SGMS1: variants seen among roughly 807,000 people sequenced by gnomAD.
SGMS1 encodes phosphatidylcholine:ceramide cholinephosphotransferase 1.
A neutral mutation model predicts 46.2 loss-of-function variants in SGMS1; 13 were observed. The observed-to-expected ratio is 0.28, with a 90% CI of 0.18 to 0.45. The LOEUF (loss-of-function observed/expected upper bound fraction) is 0.45. Among genes scored for constraint, SGMS1 ranks in the 20% least tolerant of loss-of-function variants. The pLI is 1.00. For synonymous variants in SGMS1, 203 were observed against 187.8 expected, an observed-to-expected ratio of 1.08 and a Z score of -0.66; for missense variants, 324 against 519.9, an observed-to-expected ratio of 0.62 and a Z score of 3.66.
At chr10:50,600,727 T>C (rs1443460190) in intron 1 of SGMS1, among the ~76,000 whole-genome samples, 1 of 152,214 alleles carries the variant, frequency 6.6e-6, no homozygotes, top group Non-Finnish European at 1.5e-5. Flanking sequence ...TCCACTAACC[T>C]TTTTGAGAGT....
At chr10:50,550,924 A>G (rs1249104806) in intron 2 of SGMS1, among the ~76,000 whole-genome samples, 2 of 152,228 alleles carry the variant, frequency 1.3e-5, no homozygotes, top group Non-Finnish European at 2.9e-5. Context: ...TTAAATATCC[A>G]TGAATCCATA....
At chr10:50,595,484 T>C (rs1414385308) in intron 1 of SGMS1, among the ~76,000 whole-genome samples, 1 of 152,180 alleles carries the variant, frequency 6.6e-6, no homozygotes, top group Non-Finnish European at 1.5e-5. Context: ...GCCTACTGTG[T>C]TATTTCTAAT....
intron 2 of SGMS1, among the ~76,000 whole-genome samples, chr10:50,536,559 A>G (rs1838004059): frequency 6.6e-6 from 1 of 152,214 alleles, no homozygotes; most frequent in African/African-American, 2.4e-5. Context: ...TGCTCACAGA[A>G]AACATTTTAT....
At chr10:50,615,682 C>G (rs1838790048) in intron 1 of SGMS1, among the ~76,000 whole-genome samples, 1 of 152,204 alleles carries the variant, frequency 6.6e-6, no homozygotes, top group Non-Finnish European at 1.5e-5. Context: ...ACAATATCCA[C>G]TGTCATGGGA....
intron 1 of SGMS1, among the ~76,000 whole-genome samples, chr10:50,615,153 A>G (rs1293137008): frequency 2.0e-5 from 3 of 152,178 alleles, no homozygotes; most frequent in Admixed American, 1.3e-4. Context: ...GTCTTTCAGT[A>G]TTTACTTGTT....
At chr10:50,392,433 A>G (rs912601376) in intron 6 of SGMS1, among the ~76,000 whole-genome samples, 2 of 152,210 alleles carry the variant, frequency 1.3e-5, no homozygotes, top group African/African-American at 4.8e-5. Flanking sequence ...AACATAGTAT[A>G]CAAGTGCACA....
intron 7 of SGMS1, 195 bp downstream of exon 7, chr10:50,343,297 A>G (rs747756995): frequency 2.7e-5 from 15 of 549,468 alleles, no homozygotes; most frequent in Non-Finnish European, 4.0e-5. Context: ...TCTTGCATAA[A>G]ACAGGCAACA....
In SGMS1 at chr10:50,344,065, A is replaced by G. The variant is rs769952537; in HGVS notation, c.50T>C (p.Leu17Pro). ...WSPKKVADWL[L>P]ENAMPEYCEP... ...ACAGTATTCTGGCATAGCATTCTCC[A>G]GCAGCCAGTCTGCCACCTTCTTGGG... Residue 17 changes from leucine to proline, a missense_variant, in exon 7 of 11, where the codon CTG becomes CCG. Leu to Pro is a moderately conservative substitution (Grantham distance 98). Around this residue, in one of 2 missense-constraint regions of SGMS1, gnomAD observed 150 missense variants for 169.8 expected, o/e 0.88. Transcript: ENST00000361781. The G allele has an allele frequency of 2.5e-6, 4 of 1,614,032 alleles. No individual in the cohort carries two copies. Among genetic ancestry groups the G allele is most frequent in the Non-Finnish European group, 3.4e-6 (4 of 1,179,980 alleles).
At chr10:50,482,223 A>G (rs1837483335) in intron 3 of SGMS1, among the ~76,000 whole-genome samples, 1 of 152,168 alleles carries the variant, frequency 6.6e-6, no homozygotes, top group Admixed American at 6.5e-5. Context: ...TAATCATCAG[A>G]TTCTCCAAGG....
chr10:50,464,276 G>A (rs1272580032), intron 4 of SGMS1, among the ~76,000 whole-genome samples: 1 of 152,202 alleles, frequency 6.6e-6, no homozygotes, highest in Non-Finnish European at 1.5e-5. Flanking sequence ...GACAGAAAAG[G>A]AAGTCAGAGT....
At chr10:50,605,874 C>G (rs1838689950) in intron 1 of SGMS1, among the ~76,000 whole-genome samples, 1 of 152,152 alleles carries the variant, frequency 6.6e-6, no homozygotes, top group Non-Finnish European at 1.5e-5. Flanking sequence ...ACTCATTAAC[C>G]AATTTCTCCT....
At chr10:50,618,689 A>G (rs1489213855) in intron 1 of SGMS1, among the ~76,000 whole-genome samples, 2 of 152,192 alleles carry the variant, frequency 1.3e-5, no homozygotes, top group African/African-American at 4.8e-5. Context: ...GTGGAACAGA[A>G]AGCAGCTGAG....
intron 6 of SGMS1, among the ~76,000 whole-genome samples, chr10:50,392,176 C>G (rs1848779590): frequency 8.3e-6 from 1 of 121,168 alleles, no homozygotes; most frequent in Non-Finnish European, 1.8e-5. Context: ...GTACTCTGAA[C>G]CTAAAGTAAA....
At chr10:50,555,796 C>T (rs1340645304) in intron 2 of SGMS1, among the ~76,000 whole-genome samples, 3 of 152,190 alleles carry the variant, frequency 2.0e-5, no homozygotes, top group Admixed American at 6.5e-5. Context: ...AAACTAAAAT[C>T]AGCATTTCAG....
intron 1 of SGMS1, among the ~76,000 whole-genome samples, chr10:50,591,605 CCTT>C (rs1330698472): frequency 6.6e-6 from 1 of 152,072 alleles, no homozygotes; most frequent in Non-Finnish European, 1.5e-5. Flanking sequence ...TTTATTTTTT[CCTT>C]CTTCCTCAAA....
intron 1 of SGMS1, among the ~76,000 whole-genome samples, chr10:50,602,721 T>C (rs1300608321): frequency 6.6e-6 from 1 of 152,228 alleles, no homozygotes; most frequent in African/African-American, 2.4e-5. Flanking sequence ...AACTGGAAGC[T>C]GGATATATAT....
intron 6 of SGMS1, among the ~76,000 whole-genome samples, chr10:50,375,383 T>C (rs1362088832): frequency 6.6e-6 from 1 of 152,080 alleles, no homozygotes; most frequent in Non-Finnish European, 1.5e-5. Context: ...AAACTTGATG[T>C]AGAGAGGAGG....
rs577993423 is a variant in SGMS1 at position 50,547,972 on chromosome 10, G to T, written c.-588-28051C>A. 7.2e-5 allele frequency among the ~76,000 whole-genome samples: 11 copies of T among 152,202 alleles called. No homozygotes were observed. In the South Asian group the frequency reaches 2.3e-3, roughly 32 times the overall value. ...AATTATTTCAACAGATACAGGAAAGGCCTTTGATAAAATTCAACATCTCTT... is the reference window on the plus strand; with the variant it reads ...AATTATTTCAACAGATACAGGAAAGTCCTTTGATAAAATTCAACATCTCTT... On this transcript the variant is annotated intron_variant, in intron 2 of 10. Transcript: ENST00000361781.
chr10:50,565,080 C>CT (rs895079877), intron 2 of SGMS1, among the ~76,000 whole-genome samples: 1 of 152,064 alleles, frequency 6.6e-6, no homozygotes, highest in African/African-American at 2.4e-5. Flanking sequence ...GGACTTCAAA[C>CT]TTTTTTTATC....
Sources: gnomAD v4.1 joint callset for allele counts (sites outside exome capture counted in the v4.1 genomes callset) on GRCh38, gnomAD v4.1.1 for gene constraint, gnomAD v4.1.1 regional missense constraint, MANE v1.5 for transcripts, NCBI Gene and HGNC (gene_info 2026-07-23, HGNC 2026-07-21) for gene names.